Variants in RDH10 observed in about 807,000 individuals in gnomAD.
RDH10 encodes retinol dehydrogenase 10.
Under a neutral mutation model 30.2 loss-of-function variants are expected in RDH10, and 12 were observed. The ratio of observed to expected loss-of-function variants is 0.40; its 90% CI spans 0.25 to 0.64. The LOEUF (loss-of-function observed/expected upper bound fraction) is 0.64. RDH10 is among the 30% of genes least tolerant of loss of function. The pLI, the probability that RDH10 is intolerant of heterozygous loss-of-function variation, is 0.43. For missense variants in RDH10, 268 were observed against 445.2 expected (o/e 0.60, Z 3.58); for synonymous variants, 189 against 172.2 (o/e 1.10, Z -0.76).
At chr8:73,304,290 G>A (rs10957652) in intron 2 of RDH10, among the ~76,000 whole-genome samples, 49,589 of 151,976 alleles carry the variant, frequency 0.33, 8,100 homozygotes, top group Middle Eastern at 0.35. Flanking sequence ...TCCAGCCTGC[G>A]TACATTCATG....
In RDH10 at chr8:73,323,278, A is replaced by C; in HGVS notation, c.*242A>C. On this transcript the variant is annotated 3_prime_UTR_variant, in exon 6 of 6. Coordinates refer to ENST00000240285, the MANE Select transcript of RDH10 (RefSeq NM_172037.5). ...TTAGGCAGAACCCAGAAACCAGTCA[A>C]ATCTGTAGAGAAGCAGTGTGACATC... is the stretch of plus-strand genomic sequence containing the variant. The C allele has an allele frequency of 2.7e-6, 1 of 374,634 alleles. No homozygotes were observed. Among genetic ancestry groups the C allele is most frequent in the East Asian group, 4.9e-5 (1 of 20,570 alleles). 23.2% of individuals were successfully genotyped at this position (374,634 alleles called of 1,614,324 possible). A position where few individuals can be genotyped will look rare whatever the true frequency, so the allele number is the denominator to read the frequency against.
At chr8:73,321,520 C>T (rs1814768965) in intron 4 of RDH10, among the ~76,000 whole-genome samples, 1 of 152,172 alleles carries the variant, frequency 6.6e-6, no homozygotes, top group Admixed American at 6.5e-5. Context: ...TATTACACTC[C>T]AGATTTGGAA....
At chr8:73,317,011 C>A (rs888102492) in intron 2 of RDH10, among the ~76,000 whole-genome samples, 3 of 152,148 alleles carry the variant, frequency 2.0e-5, no homozygotes, top group Non-Finnish European at 2.9e-5. Flanking sequence ...AGATCCAAAC[C>A]GTATCACTAG....
In RDH10 at chr8:73,295,152, A is replaced by C; in HGVS notation, c.-138A>C. 1 of 761,418 alleles carries C rather than the reference A, an allele frequency of 1.3e-6. No homozygotes were observed. The highest frequency in any genetic ancestry group is 1.9e-6 in the Non-Finnish European group (1 of 527,896). The allele number at this position is 761,418 out of a possible 1,614,324, so 47.2% of individuals were successfully genotyped here. ...CGCCGCGCACTCCAACCCGGCGGGC[A>C]CCTCGGGGGCGGGCGCGGGGCGCAG... On this transcript the variant is annotated 5_prime_UTR_variant, in exon 1 of 6. Transcript: ENST00000240285.
intron 2 of RDH10, among the ~76,000 whole-genome samples, chr8:73,314,107 G>A (rs1006386843): frequency 6.6e-6 from 1 of 152,230 alleles, no homozygotes; most frequent in Non-Finnish European, 1.5e-5. Context: ...AGCTTGAACT[G>A]ACTGGTGTCA....
chr8:73,319,747 G>A (rs149675765), intron 3 of RDH10, among the ~76,000 whole-genome samples: 81 of 152,306 alleles, frequency 5.3e-4, no homozygotes, highest in African/African-American at 1.8e-3. Context: ...GTTCACATTC[G>A]GTTGTGGTCA....
chr8:73,321,075 C>G lies in RDH10; in HGVS notation c.768C>G (p.Ile256Met). 1 of 1,612,294 alleles carries G rather than the reference C, an allele frequency of 6.2e-7. No homozygotes were observed. The highest frequency in any genetic ancestry group is 8.5e-7 in the Non-Finnish European group (1 of 1,178,932). ...CTGGCATGTTCAGAGGCTGCCGAAT[C>G]AGGTCAGTGAGAACCTATATTATTA... is the stretch of plus-strand genomic sequence containing the variant. ...VDTGMFRGCR[I>M]RKEIEPFLPP... The change falls in exon 4 of 6, where the codon ATC becomes ATG. Residue 256 changes from isoleucine to methionine, a missense_variant and splice_region_variant. By Grantham distance (10) the Ile-to-Met change is conservative. Transcript: ENST00000240285.
At chr8:73,302,320 G>T (rs1025635252) in intron 2 of RDH10, among the ~76,000 whole-genome samples, 1 of 152,194 alleles carries the variant, frequency 6.6e-6, no homozygotes, top group African/African-American at 2.4e-5. Context: ...GCACTATCAT[G>T]CACTTTAACA....
At chr8:73,308,518 G>T (rs1241701683) in intron 2 of RDH10, among the ~76,000 whole-genome samples, 1 of 152,210 alleles carries the variant, frequency 6.6e-6, no homozygotes, top group Non-Finnish European at 1.5e-5. Context: ...TAAGTGCCAA[G>T]GCTGACGGAG....
intron 2 of RDH10, among the ~76,000 whole-genome samples, chr8:73,305,451 T>G (rs545965581): frequency 6.1e-4 from 93 of 152,358 alleles, no homozygotes; most frequent in Middle Eastern, 3.4e-3. Context: ...AATTTCTGCT[T>G]TAGTTCTTTC....
chr8:73,319,477 G>T (rs1485605576), intron 3 of RDH10, among the ~76,000 whole-genome samples: 1 of 152,206 alleles, frequency 6.6e-6, no homozygotes, highest in African/African-American at 2.4e-5. Context: ...GTGAGCTATG[G>T]TGGCACCACT....
chr8:73,313,616 G>T (rs1262933981), intron 2 of RDH10, among the ~76,000 whole-genome samples: 1 of 152,104 alleles, frequency 6.6e-6, no homozygotes. Flanking sequence ...TTGCAAATAA[G>T]AAAATCCCTA....
intron 3 of RDH10, among the ~76,000 whole-genome samples, chr8:73,320,689 C>T (rs1240748169): frequency 6.6e-6 from 1 of 152,054 alleles, no homozygotes; most frequent in Non-Finnish European, 1.5e-5. Flanking sequence ...CCAGGCTGGT[C>T]TCGAGCTCCT....
At chr8:73,316,413 T>C (rs1011240747) in intron 2 of RDH10, among the ~76,000 whole-genome samples, 2 of 152,224 alleles carry the variant, frequency 1.3e-5, no homozygotes, top group African/African-American at 4.8e-5. Flanking sequence ...TTATAGAGCC[T>C]AAAGTTGAAC....
chr8:73,297,004 C>T, intron 1 of RDH10, 190 bp from the exon 2 acceptor site: 1 of 570,752 alleles, frequency 1.8e-6, no homozygotes, highest in Non-Finnish European at 3.1e-6. Flanking sequence ...GCTGTAATTC[C>T]CAAAGACTTC....
At chr8:73,317,498 G>T (rs1563551558) in intron 2 of RDH10, among the ~76,000 whole-genome samples, 1 of 152,176 alleles carries the variant, frequency 6.6e-6, no homozygotes, top group Non-Finnish European at 1.5e-5. Flanking sequence ...ACTACATGAT[G>T]ACTGGGGAAG....
chr8:73,295,144 C>G lies in RDH10; in HGVS notation c.-146C>G, dbSNP rs577116509. On this transcript the variant is annotated 5_prime_UTR_variant, in exon 1 of 6. Transcript: ENST00000240285. ...GGGAGCGGCGCCGCGCACTCCAACC[C>G]GGCGGGCACCTCGGGGGCGGGCGCG... is the stretch of plus-strand genomic sequence containing the variant. 27,762 of 700,934 alleles carry G rather than the reference C, an allele frequency of 0.04. 668 individuals carry two copies. Among genetic ancestry groups the G allele is most frequent in the Non-Finnish European group, 0.047 (22,048 of 474,014 alleles). 43.4% of individuals were successfully genotyped at this position (700,934 alleles called of 1,614,324 possible).
intron 2 of RDH10, among the ~76,000 whole-genome samples, chr8:73,310,442 C>T (rs1244878534): frequency 6.6e-6 from 1 of 150,696 alleles, no homozygotes; most frequent in Non-Finnish European, 1.5e-5. Flanking sequence ...ATGATGGGGA[C>T]ATTGAGAGCT....
chr8:73,318,722 G>A (rs1814716665), intron 2 of RDH10, among the ~76,000 whole-genome samples: 1 of 152,206 alleles, frequency 6.6e-6, no homozygotes, highest in African/African-American at 2.4e-5. Flanking sequence ...TAAACCATGA[G>A]ATAGCTGCAT....
Sources: allele counts gnomAD v4.1 joint callset (sites outside exome capture counted in the v4.1 genomes callset), GRCh38; gene constraint gnomAD v4.1.1; transcripts MANE v1.5; gene names NCBI Gene and HGNC (gene_info 2026-07-23, HGNC 2026-07-21).